Variants in MAGI1 observed in about 807,000 individuals in gnomAD.
The protein encoded by MAGI1 is membrane associated guanylate kinase, WW and PDZ domain containing 1.
Under a neutral mutation model 139.9 loss-of-function variants are expected in MAGI1, and 58 were observed. That is an observed-to-expected ratio of 0.41 (90% CI 0.34 to 0.52). The LOEUF (loss-of-function observed/expected upper bound fraction) is 0.52, where lower values mean the gene tolerates loss of function less well. Ranked by LOEUF, MAGI1 falls within the 20% of genes least tolerant of loss-of-function variation. The pLI, the probability that MAGI1 is intolerant of heterozygous loss-of-function variation, is 0.12. For missense variants in MAGI1, 1,874 were observed against 1,901.6 expected (o/e 0.99, Z 0.27); for synonymous variants, 812 against 737.9 (o/e 1.10, Z -1.63).
chr3:65,675,827 C>T (rs966476376), intron 1 of MAGI1, among the ~76,000 whole-genome samples: 2 of 152,182 alleles, frequency 1.3e-5, no homozygotes, highest in African/African-American at 4.8e-5. Context: ...ACCAAAGAAA[C>T]AACATTCTGT....
chr3:65,522,845 T>C (rs2078223048), intron 2 of MAGI1, among the ~76,000 whole-genome samples: 1 of 152,114 alleles, frequency 6.6e-6, no homozygotes, highest in Admixed American at 6.5e-5. Flanking sequence ...ATAATTCCAC[T>C]ACCAAAAAAA....
In MAGI1 at chr3:65,922,092, C is replaced by T. The variant is rs77032780; in HGVS notation, c.313+115904G>A. On this transcript the variant is annotated intron_variant, in intron 1 of 22. Coordinates refer to ENST00000402939, the MANE Select transcript of MAGI1 (RefSeq NM_001033057.2). ...GGTTTATCTCCATCACTCATTTAAC[C>T]TTCAAAATCGCCTAAGATACAGGTA... Among the ~76,000 whole-genome samples the T allele has an allele frequency of 9.9e-4, 151 of 152,236 alleles. No individual in the cohort carries two copies. The East Asian group carries it at 0.023, about 24-fold the overall frequency.
At chr3:65,805,351 T>C (rs987851357) in intron 1 of MAGI1, among the ~76,000 whole-genome samples, 1 of 152,200 alleles carries the variant, frequency 6.6e-6, no homozygotes, top group Non-Finnish European at 1.5e-5. Flanking sequence ...TCAACATCAC[T>C]GATCATTAGA....
intron 3 of MAGI1, among the ~76,000 whole-genome samples, chr3:65,480,428 G>C (rs1951200865): frequency 6.6e-6 from 1 of 151,804 alleles, no homozygotes; most frequent in Non-Finnish European, 1.5e-5. Flanking sequence ...AGCTACTTGG[G>C]GGTGCTGAAG....
intron 12 of MAGI1, among the ~76,000 whole-genome samples, chr3:65,407,927 G>A (rs1945486227): frequency 6.6e-6 from 1 of 152,096 alleles, no homozygotes; most frequent in African/African-American, 2.4e-5. Flanking sequence ...CTCTCCTTTG[G>A]CTCAATGACT....
chr3:65,844,003 GT>G (rs1354084607), intron 1 of MAGI1: 1 of 319,312 alleles, frequency 3.1e-6, no homozygotes, highest in Non-Finnish European at 6.1e-6. Context: ...GCCATCGAGG[GT>G]ATGCAGATAT....
At chr3:65,859,817 C>A (rs2059490506) in intron 1 of MAGI1, among the ~76,000 whole-genome samples, 1 of 151,928 alleles carries the variant, frequency 6.6e-6, no homozygotes, top group Non-Finnish European at 1.5e-5. Context: ...CCTGAGTCAG[C>A]AAAATAAGTA....
At chr3:65,460,190 CTGAT>C (rs1949677922) in intron 5 of MAGI1, among the ~76,000 whole-genome samples, 2 of 152,168 alleles carry the variant, frequency 1.3e-5, no homozygotes, top group Admixed American at 1.3e-4. Flanking sequence ...GTGGGTTACA[CTGAT>C]TGATTTATTT....
At chr3:65,626,451 A>C (rs886225379) in intron 1 of MAGI1, among the ~76,000 whole-genome samples, 1 of 152,126 alleles carries the variant, frequency 6.6e-6, no homozygotes, top group African/African-American at 2.4e-5. Flanking sequence ...CAGCCTGCCA[A>C]GTAGCTGGGA....
In MAGI1 at chr3:65,882,524, T is replaced by A. The variant is rs375401093; in HGVS notation, c.313+155472A>T. On this transcript the variant is annotated intron_variant, in intron 1 of 22. Coordinates refer to ENST00000402939, the MANE Select transcript of MAGI1 (RefSeq NM_001033057.2). ...GATGGCAGGGAACCTCGGTTGACCA[T>A]CCCATTAAGACTAAGGGAGACATTC... 4.2e-4 allele frequency among the ~76,000 whole-genome samples: 64 copies of A among 151,392 alleles called. No individual in the cohort carries two copies. The East Asian group carries it at 0.012, about 28-fold the overall frequency.
At chr3:65,421,548 C>A (rs983841831) in intron 12 of MAGI1, among the ~76,000 whole-genome samples, 2 of 152,142 alleles carry the variant, frequency 1.3e-5, no homozygotes, top group Non-Finnish European at 2.9e-5. Flanking sequence ...CAAATTGTAA[C>A]TTGCTGATAG....
At chr3:65,926,922 G>A (rs1245592216) in intron 1 of MAGI1, among the ~76,000 whole-genome samples, 1 of 152,180 alleles carries the variant, frequency 6.6e-6, no homozygotes, top group African/African-American at 2.4e-5. Context: ...TTGAACCCAG[G>A]AGGCGGAGTT....
At chr3:65,935,821 T>C (rs137877045) in intron 1 of MAGI1, among the ~76,000 whole-genome samples, 155 of 152,308 alleles carry the variant, frequency 1.0e-3, no homozygotes, top group African/African-American at 3.6e-3. Context: ...TCTAGCCTAC[T>C]GGAGGAAAAT....
At chr3:65,973,469 C>T (rs2065106223) in intron 1 of MAGI1, among the ~76,000 whole-genome samples, 1 of 152,182 alleles carries the variant, frequency 6.6e-6, no homozygotes, top group Admixed American at 6.5e-5. Context: ...GGCCAAACCA[C>T]GCTTTAAGGG....
At chr3:65,823,743 A>T (rs2042069366) in intron 1 of MAGI1, among the ~76,000 whole-genome samples, 1 of 152,212 alleles carries the variant, frequency 6.6e-6, no homozygotes, top group South Asian at 2.1e-4. Flanking sequence ...AAAATAAAAA[A>T]TATTTATTGA....
chr3:65,992,304 A>G (rs192986451), intron 1 of MAGI1, among the ~76,000 whole-genome samples: 1 of 152,334 alleles, frequency 6.6e-6, no homozygotes, highest in East Asian at 1.9e-4. Context: ...ACAGTGACTC[A>G]CCTATATCTT....
At chr3:65,717,155 A>C (rs544014490) in intron 1 of MAGI1, among the ~76,000 whole-genome samples, 1 of 152,344 alleles carries the variant, frequency 6.6e-6, no homozygotes, top group South Asian at 2.1e-4. Context: ...ATGATAACAG[A>C]AGCAGGCTCA....
In MAGI1 at chr3:65,418,731, G is replaced by A. The variant is rs74447704; in HGVS notation, c.2167+10789C>T. On this transcript the variant is annotated intron_variant, in intron 12 of 22. Coordinates refer to ENST00000402939, the MANE Select transcript of MAGI1 (RefSeq NM_001033057.2). ...AGCCCTCTCCTTTGACTCCACACCC[G>A]TCTCCAGGACTTGTTCCACTGCACA... 6.2e-4 allele frequency among the ~76,000 whole-genome samples: 94 copies of A among 152,120 alleles called. No individual in the cohort carries two copies. In the Middle Eastern group the frequency reaches 0.014, roughly 22 times the overall value.
At chr3:65,950,106 A>AAAAAAAAAAAAC (rs796698272) in intron 1 of MAGI1, among the ~76,000 whole-genome samples, 9 of 84,198 alleles carry the variant, frequency 1.1e-4, no homozygotes, top group Admixed American at 3.4e-4. Flanking sequence ...AAAAAAAAAA[A>AAAAAAAAAAAAC]CAGAACTAGC....
Sources: allele counts gnomAD v4.1 joint callset (sites outside exome capture counted in the v4.1 genomes callset), GRCh38; gene constraint gnomAD v4.1.1; transcripts MANE v1.5; gene names NCBI Gene and HGNC (gene_info 2026-07-23, HGNC 2026-07-21).